Variants in MEGF11 observed in about 807,000 individuals in gnomAD.
MEGF11 encodes multiple EGF like domains 11.
A neutral mutation model predicts 146.6 loss-of-function variants in MEGF11; 126 were observed. That is an observed-to-expected ratio of 0.86 (90% CI 0.74 to 1.00). The LOEUF is 1.00. Among genes scored for constraint, MEGF11 ranks in the 50% least tolerant of loss-of-function variants. MEGF11 has a pLI of 0.00. For synonymous variants in MEGF11, 532 were observed against 583.4 expected (o/e 0.91, Z 1.27); for missense variants, 1,509 against 1,521.2 (o/e 0.99, Z 0.13).
chr15:66,219,676 C>CT (rs1393743817), intron 1 of MEGF11, among the ~76,000 whole-genome samples: 5 of 147,842 alleles, frequency 3.4e-5, no homozygotes. Context: ...ATTAAATGTG[C>CT]TTGGCAAGTG....
At chr15:66,095,515 G>A (rs887741764) in intron 4 of MEGF11, among the ~76,000 whole-genome samples, 3 of 152,184 alleles carry the variant, frequency 2.0e-5, no homozygotes, top group Non-Finnish European at 2.9e-5. Flanking sequence ...GGGAGCAGAT[G>A]GTCCCCTTTG....
intron 9 of MEGF11, among the ~76,000 whole-genome samples, chr15:65,959,306 C>A (rs1423994749): frequency 6.6e-6 from 1 of 152,150 alleles, no homozygotes; most frequent in East Asian, 1.9e-4. Flanking sequence ...CCTAGCCAAG[C>A]TGTTTCTCTT....
intron 1 of MEGF11, among the ~76,000 whole-genome samples, chr15:66,222,950 A>G (rs892787560): frequency 1.3e-5 from 2 of 152,198 alleles, no homozygotes; most frequent in Admixed American, 6.5e-5. Flanking sequence ...AATGTTAAAC[A>G]TAGAGTTACC....
intron 1 of MEGF11, among the ~76,000 whole-genome samples, chr15:66,183,226 G>A (rs985892148): frequency 1.3e-5 from 2 of 152,144 alleles, no homozygotes; most frequent in African/African-American, 2.4e-5. Flanking sequence ...GTGGCTGGGC[G>A]TGGGGGCTCA....
chr15:65,913,666 C>G, intron 20 of MEGF11, 71 bp downstream of exon 20: 8 of 1,384,074 alleles, frequency 5.8e-6, no homozygotes, highest in Non-Finnish European at 8.0e-6. Context: ...GCCAACCCTA[C>G]AGGCACAACC....
At chr15:66,023,025 T>TA (rs1007979449) in intron 5 of MEGF11, among the ~76,000 whole-genome samples, 1 of 150,664 alleles carries the variant, frequency 6.6e-6, no homozygotes, top group African/African-American at 2.5e-5. Flanking sequence ...TGGTGGTGGA[T>TA]ACCTGTAATC....
chr15:65,980,522 C>T (rs1246605344), intron 7 of MEGF11, among the ~76,000 whole-genome samples: 9 of 151,188 alleles, frequency 6.0e-5, no homozygotes, highest in Admixed American at 5.9e-4. Context: ...CCTCAGCCTC[C>T]CGAGTAGCTG....
At chr15:66,090,139 A>T (rs765692751) in intron 5 of MEGF11, among the ~76,000 whole-genome samples, 1 of 152,198 alleles carries the variant, frequency 6.6e-6, no homozygotes, top group African/African-American at 2.4e-5. Context: ...TCAGTAAAAG[A>T]ATGAGAAGTC....
At chr15:66,130,852 C>T (rs904749457) in intron 1 of MEGF11, among the ~76,000 whole-genome samples, 1 of 152,146 alleles carries the variant, frequency 6.6e-6, no homozygotes, top group Admixed American at 6.5e-5. Context: ...TTTAATGGGA[C>T]TTTTCCAGGA....
intron 1 of MEGF11, among the ~76,000 whole-genome samples, chr15:66,174,039 C>T (rs2090330977): frequency 6.6e-6 from 1 of 152,214 alleles, no homozygotes; most frequent in Non-Finnish European, 1.5e-5. Flanking sequence ...TTTCAAGGCA[C>T]CTGGTGATGG....
At chr15:65,942,595 C>T (rs1443160128) in intron 10 of MEGF11, among the ~76,000 whole-genome samples, 1 of 152,094 alleles carries the variant, frequency 6.6e-6, no homozygotes, top group Non-Finnish European at 1.5e-5. Context: ...CAGATGCTAT[C>T]AGCATCCCAC....
At chr15:66,021,040 A>G (rs1270090357) in intron 5 of MEGF11, among the ~76,000 whole-genome samples, 1 of 139,946 alleles carries the variant, frequency 7.1e-6, no homozygotes, top group Non-Finnish European at 1.5e-5. Context: ...AAAAAAAAAA[A>G]AAAGAATTCC....
chr15:66,005,988 G>C (rs1449577712), intron 5 of MEGF11, among the ~76,000 whole-genome samples: 8 of 152,234 alleles, frequency 5.3e-5, no homozygotes, highest in Non-Finnish European at 1.5e-5. Context: ...ATGGCTGTAA[G>C]AGTAAAACTG....
rs183069707 is a variant in MEGF11 at position 66,120,739 on chromosome 15, G to A, written c.201-1553C>T. On this transcript the variant is annotated intron_variant, in intron 3 of 25. Transcript: ENST00000395614. ...TTCCCTAGCACAGAAGGCAGCTCCCGACAGTTTCAGGGGTTGTATAAGCCT... is the reference window on the plus strand; with the variant it reads ...TTCCCTAGCACAGAAGGCAGCTCCCAACAGTTTCAGGGGTTGTATAAGCCT... 9.4e-4 allele frequency among the ~76,000 whole-genome samples: 143 copies of A among 152,298 alleles called. 2 individuals are homozygous for A. Among genetic ancestry groups the A allele is most frequent in the African/African-American group, 3.1e-3 (130 of 41,554 alleles).
intron 1 of MEGF11, among the ~76,000 whole-genome samples, chr15:66,251,248 C>T (rs558896590): frequency 2.4e-4 from 37 of 152,306 alleles, no homozygotes; most frequent in African/African-American, 8.4e-4. Context: ...GGACTCAAGC[C>T]CTGTATCCTG....
chr15:66,223,906 C>A (rs1436362112), intron 1 of MEGF11, among the ~76,000 whole-genome samples: 1 of 152,128 alleles, frequency 6.6e-6, no homozygotes, highest in Non-Finnish European at 1.5e-5. Flanking sequence ...CCTGTACGTC[C>A]CCCTCCTTGG....
intron 1 of MEGF11, among the ~76,000 whole-genome samples, chr15:66,204,411 A>AAAAAAG (rs546156371): frequency 6.6e-6 from 1 of 152,034 alleles, no homozygotes; most frequent in African/African-American, 2.4e-5. Flanking sequence ...TCTCAAAAAT[A>AAAAAAG]AAAAAGAAAA....
chr15:66,230,668 G>C (rs762680961), intron 1 of MEGF11, among the ~76,000 whole-genome samples: 1 of 152,166 alleles, frequency 6.6e-6, no homozygotes, highest in Non-Finnish European at 1.5e-5. Context: ...TCTTATAAAA[G>C]GGGGGAGATG....
chr15:66,051,587 GC>G (rs1399297835), intron 5 of MEGF11, among the ~76,000 whole-genome samples: 2 of 152,164 alleles, frequency 1.3e-5, no homozygotes, highest in Non-Finnish European at 2.9e-5. Flanking sequence ...AGAGCATTCC[GC>G]CCAGCCACTT....
Sources: allele counts gnomAD v4.1 joint callset (sites outside exome capture counted in the v4.1 genomes callset), GRCh38; gene constraint gnomAD v4.1.1; transcripts MANE v1.5; gene names NCBI Gene and HGNC (gene_info 2026-07-23, HGNC 2026-07-21).